Variants in AMBP observed in about 807,000 individuals in gnomAD.
The protein encoded by AMBP is protein AMBP.
A neutral mutation model predicts 46.3 loss-of-function variants in AMBP; 37 were observed. The ratio of observed to expected loss-of-function variants is 0.80; its 90% CI spans 0.61 to 1.05. AMBP has a LOEUF of 1.05. AMBP is among the 50% of genes least tolerant of loss of function. The pLI is 0.00. For missense variants in AMBP, 475 were observed against 461.2 expected (o/e 1.03, Z -0.27); for synonymous variants, 174 against 175.9 (o/e 0.99, Z 0.09).
At chr9:114,074,915 T>A (rs1479370348) in intron 3 of AMBP, 45 bp downstream of exon 3, 1 of 1,563,048 alleles carries the variant, frequency 6.4e-7, no homozygotes, top group Non-Finnish European at 8.8e-7. Flanking sequence ...CAAGGTATTT[T>A]CAAGCAAAGG....
Position 114,069,624 on chromosome 9 carries a change from G to T in AMBP, c.603+75C>A. ...ATGACTCTGCCTCCCCCCGCAGCAG[G>T]ATCAAGTGTGCAGCGTGCCTGGGGC... is the stretch of plus-strand genomic sequence containing the variant. On this transcript the variant is annotated intron_variant, in intron 6 of 9. Transcript: ENST00000265132. 3.1e-6 allele frequency: 4 copies of T among 1,281,948 alleles called. No homozygotes were observed. In the South Asian group the frequency reaches 3.8e-5, roughly 12 times the overall value. The allele number at this position is 1,281,948 out of a possible 1,614,324, so 79.4% of individuals were successfully genotyped here.
At chr9:114,073,065 G>A (rs1480955181) in intron 4 of AMBP, 39 bp from the exon 5 acceptor site, 1 of 1,575,470 alleles carries the variant, frequency 6.3e-7, no homozygotes, top group Non-Finnish European at 8.6e-7. Context: ...AGAACCACCA[G>A]GTGCTTGGAG....
chr9:114,064,875 T>TA (rs1588488531), intron 6 of AMBP, among the ~76,000 whole-genome samples: 1 of 152,320 alleles, frequency 6.6e-6, no homozygotes, highest in East Asian at 1.9e-4. Context: ...TCCTAATACT[T>TA]CTAAATCCAG....
Position 114,074,991 on chromosome 9 carries a change from A to G in AMBP, c.306T>C (p.Asp102=), listed in dbSNP as rs756964881. ...TGTGATAGAGAAACTTCCCATCAGT[A>G]TCTGTTTTCTCATAAGCTCCAGACG... ...EETSGAYEKT[D]TDGKFLYHKS... is the part of the protein sequence containing the mutation. Residue 102 remains aspartate (D), a synonymous_variant, in exon 3 of 10, where the codon GAT becomes GAC. Transcript: ENST00000265132. 2.4e-5 allele frequency: 39 copies of G among 1,614,146 alleles called. No individual in the cohort carries two copies. The South Asian group carries it at 3.8e-4, about 16-fold the overall frequency.
Position 114,072,976 on chromosome 9 carries a change from C to T in AMBP, c.505G>A (p.Ala169Thr), listed in dbSNP as rs1325169987. 2 of 1,613,926 alleles carry T rather than the reference C, an allele frequency of 1.2e-6. No individual in the cohort carries two copies. The highest frequency in any genetic ancestry group is 2.2e-5 in the South Asian group (2 of 91,056). Residue 169 changes from alanine (A) to threonine (T), a missense_variant, in exon 5 of 10, where the codon GCC becomes ACC. Physicochemically the swap from Ala to Thr is moderately conservative, Grantham distance 58. This residue lies in a region of AMBP where 293 missense variants were observed against 276.9 expected (regional missense o/e 1.06). Transcript: ENST00000265132. ...TCCTCAGGGATGCCCACACCCTGGG[C>T]AACCACTCTGAAGTCCTGCAGGAGA... ...ETLLQDFRVV[A>T]QGVGIPEDSI...
intron 1 of AMBP, among the ~76,000 whole-genome samples, chr9:114,077,871 C>G (rs1004818290): frequency 1.2e-4 from 19 of 152,206 alleles, no homozygotes; most frequent in African/African-American, 4.6e-4. Flanking sequence ...TTGGAGCCCA[C>G]GAGGACAGTG....
chr9:114,061,452 C>CTTT lies in AMBP; in HGVS notation c.822_824dup (p.Lys275dup). 2 of 1,614,096 alleles carry CTTT rather than the reference C, an allele frequency of 1.2e-6. No homozygotes were observed. Among genetic ancestry groups the CTTT allele is most frequent in the Admixed American group, 1.7e-5 (1 of 60,020 alleles). ...CAGTTCGGCAGGTCTGCAGACACTC[C>CTTT]TTTTCTGTGACGAAGTTGTTACCGT... On this transcript the variant is annotated inframe_insertion, in exon 8 of 10. Coordinates refer to ENST00000265132, the MANE Select transcript of AMBP (RefSeq NM_001633.4).
chr9:114,074,638 A>G (rs935272299), intron 3 of AMBP, among the ~76,000 whole-genome samples: 2 of 151,846 alleles, frequency 1.3e-5, no homozygotes, highest in African/African-American at 2.4e-5. Context: ...CTCACTTAGC[A>G]TCATGCACAC....
rs748579845 is a variant in AMBP, at chr9:114,076,595, C to T, written c.260+3G>A. The T allele has an allele frequency of 4.3e-6, 7 of 1,613,216 alleles. No homozygotes were observed. The highest frequency in any genetic ancestry group is 3.3e-5 in the Admixed American group (2 of 60,002). ...AGCTTTCCAGCCCCACCCTAGTGCT[C>T]ACCGCCAACGAGTGCTGGTCATGCT... is the stretch of plus-strand genomic sequence containing the variant. On this transcript the variant is annotated splice_donor_region_variant and intron_variant, in intron 2 of 9. Coordinates refer to ENST00000265132, the MANE Select transcript of AMBP (RefSeq NM_001633.4).
At chr9:114,072,699 C>T (rs557571014) in intron 5 of AMBP, among the ~76,000 whole-genome samples, 1 of 152,360 alleles carries the variant, frequency 6.6e-6, no homozygotes, top group African/African-American at 2.4e-5. Flanking sequence ...CCCTGAGACA[C>T]ATGGCAGTAG....
At chr9:114,068,674 A>C (rs1846715435) in intron 6 of AMBP, among the ~76,000 whole-genome samples, 1 of 152,062 alleles carries the variant, frequency 6.6e-6, no homozygotes, top group South Asian at 2.1e-4. Flanking sequence ...AGCACTTGTA[A>C]TATAATCCCA....
chr9:114,077,281 G>A (rs564545354), intron 1 of AMBP, among the ~76,000 whole-genome samples: 12 of 152,260 alleles, frequency 7.9e-5, no homozygotes, highest in African/African-American at 2.2e-4. Flanking sequence ...CACCCTTTGC[G>A]TCCCAGACTG....
chr9:114,064,395 A>T (rs1313338949), intron 6 of AMBP, among the ~76,000 whole-genome samples: 2 of 152,064 alleles, frequency 1.3e-5, no homozygotes, highest in Non-Finnish European at 2.9e-5. Context: ...TTTAGAAACA[A>T]TTTTTTTTAA....
At chr9:114,060,665 T>A (rs1267159251) in intron 9 of AMBP, among the ~76,000 whole-genome samples, 2 of 152,078 alleles carry the variant, frequency 1.3e-5, no homozygotes, top group Non-Finnish European at 2.9e-5. Flanking sequence ...ACGTTGCAGG[T>A]GCAAAATTAG....
Position 114,078,131 on chromosome 9 carries a change from C to G in AMBP, c.79G>C (p.Asp27His). The G allele has an allele frequency of 6.2e-7, 1 of 1,613,870 alleles. No individual in the cohort carries two copies. Among genetic ancestry groups the G allele is most frequent in the Non-Finnish European group, 8.5e-7 (1 of 1,180,026 alleles). ...VSAGPVPTPP[D>H]NIQVQENFNI... ...AAGTTTTCCTGCACTTGGATGTTGT[C>G]GGGCGGCGTTGGCACAGGGCCAGCG... The change falls in exon 1 of 10, where the codon GAC becomes CAC. Residue 27 changes from aspartate (D) to histidine (H), a missense_variant. By Grantham distance (81) the Asp-to-His change is moderately conservative. Transcript: ENST00000265132.
chr9:114,075,134 T>G (rs1846792163), intron 2 of AMBP, 98 bp from the exon 3 acceptor site: 1 of 959,120 alleles, frequency 1.0e-6, no homozygotes, highest in Non-Finnish European at 1.6e-6. Context: ...GCCTTGGTTT[T>G]GGGGTTTTTT....
chr9:114,064,042 A>G (rs1379703485), intron 6 of AMBP, among the ~76,000 whole-genome samples: 2 of 152,228 alleles, frequency 1.3e-5, no homozygotes, highest in Non-Finnish European at 2.9e-5. Context: ...TGGCCCTCAG[A>G]GTAAGTGACA....
intron 1 of AMBP, 91 bp downstream of exon 1, chr9:114,078,002 C>T: frequency 1.6e-6 from 2 of 1,275,828 alleles, no homozygotes; most frequent in African/African-American, 1.5e-5. Flanking sequence ...AAGCCTGAGA[C>T]CCCGAGACAG....
rs1564370284 is a variant in AMBP, at chr9:114,061,049, CTG to C, written c.901_902del (p.Gln301AlafsTer5). On this transcript the variant is annotated frameshift_variant, in exon 9 of 10. Coordinates refer to ENST00000265132, the MANE Select transcript of AMBP (RefSeq NM_001633.4). LOFTEE classifies it high-confidence loss of function. ...IVRGPCRAFIQLWAFDAVKGK... is the reference protein window; with the variant it reads ...IVRGPCRAFIXLWAFDAVKGK... ...CCTTGACAGCATCAAATGCCCAGAG[CTG>C]GATGAAGGCTCGGCAGGGGCCCCGG... is the stretch of plus-strand genomic sequence containing the variant. 16 of 1,614,116 alleles carry C rather than the reference CTG, an allele frequency of 9.9e-6. No homozygotes were observed. The highest frequency in any genetic ancestry group is 1.3e-5 in the Non-Finnish European group (15 of 1,180,046).
Sources: allele counts gnomAD v4.1 joint callset (sites outside exome capture counted in the v4.1 genomes callset), GRCh38; gene constraint gnomAD v4.1.1; regional missense constraint gnomAD v4.1.1; transcripts MANE v1.5; gene names NCBI Gene and HGNC (gene_info 2026-07-23, HGNC 2026-07-21).